The following NLGN4Y variants were observed in gnomAD, a reference collection of about 807,000 sequenced individuals.
NLGN4Y encodes neuroligin 4 Y-linked.
In NLGN4Y, 4 loss-of-function variants were observed where a neutral mutation model predicts 8.4. That is an observed-to-expected ratio of 0.48 (90% confidence interval 0.23 to 1.09). The LOEUF (loss-of-function observed/expected upper bound fraction) is 1.09. NLGN4Y is among the 50% of genes least tolerant of loss of function. NLGN4Y has a pLI of 0.19. For synonymous variants in NLGN4Y, 35 were observed against 75.6 expected (o/e 0.46, Z 2.78); for missense variants, 90 against 192.3 (o/e 0.47, Z 3.15).
intron 1 of NLGN4Y, among the ~76,000 whole-genome samples, chrY:14,562,488 G>C (rs887613406): frequency 2.4e-4 from 8 of 33,421 alleles, no homozygotes; most frequent in Admixed American, 5.5e-4. Flanking sequence ...TTAGCATGAT[G>C]CCTCTATCTT....
chrY:14,826,374 C>T (rs2043146418), intron 5 of NLGN4Y, among the ~76,000 whole-genome samples: 2 of 21,709 alleles, frequency 9.2e-5, no homozygotes, highest in Non-Finnish European at 2.0e-4. Context: ...GAGTCTCACT[C>T]TGTCACTCAG....
intron 4 of NLGN4Y, among the ~76,000 whole-genome samples, chrY:14,822,581 T>A (rs746435376): frequency 1.5e-4 from 5 of 34,035 alleles, no homozygotes; most frequent in African/African-American, 5.7e-4. Context: ...AAATTACTCG[T>A]GCCTTAAAAA....
At chrY:14,820,287 T>G (rs763624582) in intron 4 of NLGN4Y, among the ~76,000 whole-genome samples, 6 of 32,311 alleles carry the variant, frequency 1.9e-4, no homozygotes, top group Admixed American at 1.4e-3. Flanking sequence ...TCTGTAAGAG[T>G]CCTAAGCATT....
At chrY:14,612,611 TCACCAGCAGAAG>T (rs2080473921) in intron 1 of NLGN4Y, among the ~76,000 whole-genome samples, 1 of 33,592 alleles carries the variant, frequency 3.0e-5, no homozygotes, top group Non-Finnish European at 7.4e-5. Flanking sequence ...TTCCTGGCTA[TCACCAGCAGAAG>T]CTGCAGAACA....
chrY:14,639,348 GC>G, intron 2 of NLGN4Y: 1 of 167,156 alleles, frequency 6.0e-6, no homozygotes, highest in Admixed American at 8.9e-5. Flanking sequence ...AAAAAATGCT[GC>G]CCTGATTTTA....
intron 4 of NLGN4Y, among the ~76,000 whole-genome samples, chrY:14,796,370 G>C (rs2043008914): frequency 3.1e-5 from 1 of 31,945 alleles, no homozygotes; most frequent in Non-Finnish European, 7.6e-5. Context: ...GAGGCGGGCG[G>C]ATCACGAGGT....
chrY:14,527,361 A>C, intron 1 of NLGN4Y, among the ~76,000 whole-genome samples: 1 of 34,180 alleles, frequency 2.9e-5, no homozygotes, highest in Non-Finnish European at 7.3e-5. Flanking sequence ...AAATATACTT[A>C]AATTCCAAAT....
chrY:14,806,810 T>C (rs2043059027), intron 4 of NLGN4Y, among the ~76,000 whole-genome samples: 1 of 29,414 alleles, frequency 3.4e-5, no homozygotes, highest in African/African-American at 1.3e-4. Context: ...GTAACTGCTC[T>C]CAGATCAAAC....
At chrY:14,694,143 C>A in intron 2 of NLGN4Y, among the ~76,000 whole-genome samples, 1 of 33,556 alleles carries the variant, frequency 3.0e-5, no homozygotes, top group Non-Finnish European at 7.4e-5. Context: ...AAATGACTTA[C>A]CAGAATTTCA....
At chrY:14,532,450 A>G (rs962104633) in intron 1 of NLGN4Y, among the ~76,000 whole-genome samples, 8 of 33,569 alleles carry the variant, frequency 2.4e-4, no homozygotes, top group African/African-American at 9.3e-4. Context: ...TTTGTGCAAA[A>G]CAGCTTTTTT....
At chrY:14,818,331 G>C in intron 4 of NLGN4Y, among the ~76,000 whole-genome samples, 1 of 33,546 alleles carries the variant, frequency 3.0e-5, no homozygotes, top group East Asian at 8.1e-4. Context: ...AAAGAGCAAA[G>C]TCTCCCAATT....
At chrY:14,778,590 T>C in intron 4 of NLGN4Y, among the ~76,000 whole-genome samples, 2 of 34,101 alleles carry the variant, frequency 5.9e-5, no homozygotes, top group African/African-American at 1.1e-4. Context: ...CATGAATGCA[T>C]CAGAATATGA....
Position 14,560,175 on chromosome Y carries a change from G to T in NLGN4Y, c.-112+35467G>T, listed in dbSNP as rs766204206. On this transcript the variant is annotated intron_variant, in intron 1 of 6. Coordinates refer to ENST00000684976, the MANE Select transcript of NLGN4Y (RefSeq NM_001365588.1). ...GCTTCGTTTTCTTCTTTGTAAAATGGGAACAGTGGTATTTCTCTTATGGAA... is the reference window on the plus strand; with the variant it reads ...GCTTCGTTTTCTTCTTTGTAAAATGTGAACAGTGGTATTTCTCTTATGGAA... Among the ~76,000 whole-genome samples the T allele has an allele frequency of 1.2e-4, 4 of 33,149 alleles. No homozygotes were observed. The East Asian group carries it at 3.2e-3, about 26-fold the overall frequency. 88.9% of individuals were successfully genotyped at this position (33,149 alleles called of 37,273 possible). A position where few individuals can be genotyped will look rare whatever the true frequency, so the allele number is the denominator to read the frequency against.
chrY:14,764,395 A>G (rs753158394), intron 4 of NLGN4Y, among the ~76,000 whole-genome samples: 125 of 33,413 alleles, frequency 3.7e-3, no homozygotes, highest in Admixed American at 0.018. Flanking sequence ...TCATGGCTTC[A>G]TAGGCTCTGT....
chrY:14,785,580 C>T (rs1603503992), intron 4 of NLGN4Y, among the ~76,000 whole-genome samples: 1 of 32,836 alleles, frequency 3.0e-5, no homozygotes, highest in Non-Finnish European at 7.5e-5. Context: ...CTGGCTAACA[C>T]GGTGAAACCC....
chrY:14,796,571 T>TA (rs758060220), intron 4 of NLGN4Y, among the ~76,000 whole-genome samples: 28 of 12,003 alleles, frequency 2.3e-3, no homozygotes, highest in South Asian at 7.5e-3. Flanking sequence ...AGGCTCCATC[T>TA]AAAAAAAAAA....
At chrY:14,528,138 G>A in intron 1 of NLGN4Y, among the ~76,000 whole-genome samples, 1 of 32,081 alleles carries the variant, frequency 3.1e-5, no homozygotes, top group African/African-American at 1.2e-4. Flanking sequence ...TCAAACTTTA[G>A]ACATTTTGTG....
At chrY:14,703,466 G>A (rs2080862937) in intron 2 of NLGN4Y, among the ~76,000 whole-genome samples, 1 of 33,296 alleles carries the variant, frequency 3.0e-5, no homozygotes, top group South Asian at 6.6e-4. Flanking sequence ...AGATCAGATG[G>A]TTGTAGATAT....
intron 1 of NLGN4Y, among the ~76,000 whole-genome samples, chrY:14,585,667 C>T: frequency 3.0e-5 from 1 of 33,347 alleles, no homozygotes; most frequent in African/African-American, 1.2e-4. Flanking sequence ...TTATTGACTG[C>T]TATTTACTGC....
Sources: gnomAD v4.1 joint callset for allele counts (sites outside exome capture counted in the v4.1 genomes callset) on GRCh38, gnomAD v4.1.1 for gene constraint, MANE v1.5 for transcripts, NCBI Gene and HGNC (gene_info 2026-07-23, HGNC 2026-07-21) for gene names.